GRAMD1B: variants seen among roughly 807,000 people sequenced by gnomAD.
The protein encoded by GRAMD1B is GRAM domain containing 1B, also known as protein Aster-B.
Under a neutral mutation model 99.7 loss-of-function variants are expected in GRAMD1B, and 37 were observed. The observed-to-expected ratio is 0.37, with a 90% CI of 0.29 to 0.49. GRAMD1B has a LOEUF of 0.49. Among genes scored for constraint, GRAMD1B ranks in the 20% least tolerant of loss-of-function variants. The pLI, the probability that GRAMD1B is intolerant of heterozygous loss-of-function variation, is 0.98. For synonymous variants in GRAMD1B, 427 were observed against 387.6 expected (o/e 1.10, Z -1.19); for missense variants, 888 against 1,009.2 (o/e 0.88, Z 1.63).
intron 3 of GRAMD1B, 43 bp downstream of exon 3, chr11:123,577,620 T>C (rs1381388456): frequency 6.9e-7 from 1 of 1,441,992 alleles, no homozygotes; most frequent in Non-Finnish European, 9.5e-7. Context: ...TGTCAGGGGC[T>C]GCGGGGAGCG....
chr11:123,437,493 C>T (rs1166429990), intron 1 of GRAMD1B, among the ~76,000 whole-genome samples: 1 of 152,188 alleles, frequency 6.6e-6, no homozygotes, highest in Non-Finnish European at 1.5e-5. Flanking sequence ...CACCTCTCTG[C>T]ATCTCTGCCC....
rs766270069 is a variant in GRAMD1B, at chr11:123,612,851, C to A, written c.2010C>A (p.Tyr670Ter). ...ACTTCTGGAGTGGGCTGGAGGACTA[C>A]TTCCGCCATTTAGGTGAGCACTGCA... ...EKNFWSGLED[Y>*]FRHLESELAK... Residue 670 changes from tyrosine (Y) to a stop codon, truncating the protein, a stop_gained, in exon 15 of 20, where the codon TAC becomes TAA. Transcript: ENST00000635736. LOFTEE classifies it high-confidence loss of function. The A allele has an allele frequency of 6.3e-7, 1 of 1,598,826 alleles. No homozygotes were observed. The highest frequency in any genetic ancestry group is 1.1e-5 in the South Asian group (1 of 90,386).
intron 1 of GRAMD1B, among the ~76,000 whole-genome samples, chr11:123,401,783 C>T (rs1947671134): frequency 6.6e-6 from 1 of 152,064 alleles, no homozygotes; most frequent in Non-Finnish European, 1.5e-5. Flanking sequence ...GTGGCATGTG[C>T]CGGCAGTCCC....
chr11:123,611,930 G>A (rs892110300), intron 14 of GRAMD1B, among the ~76,000 whole-genome samples: 1 of 152,176 alleles, frequency 6.6e-6, no homozygotes, highest in African/African-American at 2.4e-5. Flanking sequence ...GAGGCAAAGA[G>A]CAGGGCTGCT....
At chr11:123,615,042 G>C (rs1275062) in intron 17 of GRAMD1B, among the ~76,000 whole-genome samples, 50,905 of 152,124 alleles carry the variant, frequency 0.33, 9,858 homozygotes, top group South Asian at 0.5. Context: ...AGCATTTACT[G>C]TATGCTAGGC....
At chr11:123,380,763 T>G (rs1565461144) in intron 1 of GRAMD1B, among the ~76,000 whole-genome samples, 1 of 152,210 alleles carries the variant, frequency 6.6e-6, no homozygotes, top group Non-Finnish European at 1.5e-5. Context: ...TGGTCCCCTT[T>G]TGTCCACGTA....
At chr11:123,437,860 G>T (rs1484797251) in intron 1 of GRAMD1B, among the ~76,000 whole-genome samples, 1 of 152,188 alleles carries the variant, frequency 6.6e-6, no homozygotes, top group Admixed American at 6.5e-5. Context: ...CAGGAGAGCA[G>T]GGTGATTTTG....
chr11:123,587,496 C>A lies in GRAMD1B; in HGVS notation c.684+3164C>A, dbSNP rs1350404887. 6.6e-6 allele frequency among the ~76,000 whole-genome samples: 1 copy of A among 152,228 alleles called. No individual in the cohort carries two copies. Among genetic ancestry groups the A allele is most frequent in the East Asian group, 1.9e-4 (1 of 5,194 alleles). Reference sequence around the variant, plus strand: ...GGGAGCCAAGGGCAGAGTTGAGGGGCAACCTGGCCAGGGCCACTGGGGCAA... The same window carrying A: ...GGGAGCCAAGGGCAGAGTTGAGGGGAAACCTGGCCAGGGCCACTGGGGCAA... On this transcript the variant is annotated intron_variant, in intron 4 of 19. Transcript: ENST00000635736. This position sits in a 1 kb window ranked among gnomAD's most constrained non-coding sequence, Gnocchi z 4.2.
chr11:123,467,837 C>CCTTCCTTCCTTCCTT (rs58621803), intron 1 of GRAMD1B, among the ~76,000 whole-genome samples: 1 of 52,470 alleles, frequency 1.9e-5, no homozygotes, highest in Non-Finnish European at 4.5e-5. Flanking sequence ...CTCCCTCCCT[C>CCTTCCTTCCTTCCTT]CCTCCCTTCC....
intron 2 of GRAMD1B, among the ~76,000 whole-genome samples, chr11:123,549,910 T>C (rs941876702): frequency 2.6e-5 from 4 of 152,034 alleles, no homozygotes; most frequent in African/African-American, 9.7e-5. Flanking sequence ...CTGACTGTCA[T>C]GGTCGGACAT....
intron 2 of GRAMD1B, among the ~76,000 whole-genome samples, chr11:123,500,265 A>G (rs1322129985): frequency 1.3e-5 from 2 of 152,152 alleles, no homozygotes; most frequent in African/African-American, 4.8e-5. Context: ...AGGCTGCAGT[A>G]AGCCAGGATC....
At chr11:123,500,438 A>G (rs1424804779) in intron 2 of GRAMD1B, among the ~76,000 whole-genome samples, 1 of 152,202 alleles carries the variant, frequency 6.6e-6, no homozygotes. Flanking sequence ...CAGTACCTAT[A>G]GCAAATGGTT....
chr11:123,525,457 A>C (rs1455122475), intron 2 of GRAMD1B, among the ~76,000 whole-genome samples: 1 of 152,078 alleles, frequency 6.6e-6, no homozygotes, highest in Non-Finnish European at 1.5e-5. Flanking sequence ...CCCTGAGTGG[A>C]TGCTGACAGA....
intron 1 of GRAMD1B, among the ~76,000 whole-genome samples, chr11:123,387,718 C>T (rs1240945472): frequency 3.3e-5 from 5 of 150,736 alleles, no homozygotes; most frequent in Admixed American, 2.0e-4. Context: ...CCTGCCCTCC[C>T]GCCCCCACCC....
intron 2 of GRAMD1B, among the ~76,000 whole-genome samples, chr11:123,531,469 T>C (rs1183906887): frequency 6.6e-6 from 1 of 152,234 alleles, no homozygotes; most frequent in African/African-American, 2.4e-5. Flanking sequence ...TGTAACTTTG[T>C]AGCTGGCAGA....
At chr11:123,568,273 G>A (rs996326494) in intron 2 of GRAMD1B, among the ~76,000 whole-genome samples, 8 of 152,216 alleles carry the variant, frequency 5.3e-5, no homozygotes, top group Non-Finnish European at 7.3e-5. Flanking sequence ...GGCATGGGCC[G>A]TGTGGACGCT....
chr11:123,438,496 T>C (rs942575553), intron 1 of GRAMD1B, among the ~76,000 whole-genome samples: 3 of 152,114 alleles, frequency 2.0e-5, no homozygotes, highest in Non-Finnish European at 2.9e-5. Context: ...GATGACCCTG[T>C]TGACGGTCTA....
At chr11:123,604,122 GTTGAAATTGAGATGCC>G (rs966988712) in intron 9 of GRAMD1B, among the ~76,000 whole-genome samples, 2 of 152,224 alleles carry the variant, frequency 1.3e-5, no homozygotes, top group Non-Finnish European at 2.9e-5. Flanking sequence ...TTTTAGGCAA[GTTGAAATTGAGATGCC>G]TGTTAGCTAA....
chr11:123,525,361 GC>G (rs2135469819), intron 2 of GRAMD1B, among the ~76,000 whole-genome samples: 1 of 152,262 alleles, frequency 6.6e-6, no homozygotes, highest in African/African-American at 2.4e-5. Flanking sequence ...TCACCACGGG[GC>G]CTCTGAGTTC....
Sources: gnomAD v4.1 joint callset for allele counts (sites outside exome capture counted in the v4.1 genomes callset) on GRCh38, gnomAD v4.1.1 for gene constraint, Gnocchi (gnomAD v3.1) non-coding constraint, MANE v1.5 for transcripts, NCBI Gene and HGNC (gene_info 2026-07-23, HGNC 2026-07-21) for gene names.